The following WDR41 variants were observed in gnomAD, a reference collection of about 807,000 sequenced individuals.
WDR41 encodes the protein WD repeat domain 41.
In WDR41, 63 loss-of-function variants were observed where a neutral mutation model predicts 69.3. That is an observed-to-expected ratio of 0.91 (90% CI 0.74 to 1.12). WDR41 has a LOEUF of 1.12. Ranked by LOEUF, WDR41 falls within the 50% of genes most tolerant of loss-of-function variation. The pLI is 0.00. For missense variants in WDR41, 543 were observed against 534.5 expected, an observed-to-expected ratio of 1.02 and a Z score of -0.16; for synonymous variants, 185 against 192.1, an observed-to-expected ratio of 0.96 and a Z score of 0.31.
At chr5:77,609,120 C>T (rs574042782) in intron 1 of WDR41, among the ~76,000 whole-genome samples, 69 of 152,302 alleles carry the variant, frequency 4.5e-4, no homozygotes, top group African/African-American at 1.4e-3. Flanking sequence ...CCGACATTGC[C>T]CAGGCTTGCT....
chr5:77,491,970 G>C (rs1050472928), intron 1 of WDR41, 200 bp downstream of exon 1: 2 of 606,282 alleles, frequency 3.3e-6, no homozygotes, highest in East Asian at 3.2e-5. Context: ...GGGTGCGCCT[G>C]GGGTCCCGCC....
At chr5:77,560,421 A>G (rs544650256) in intron 1 of WDR41, among the ~76,000 whole-genome samples, 390 of 152,284 alleles carry the variant, frequency 2.6e-3, no homozygotes, top group African/African-American at 9.0e-3. Flanking sequence ...CATATTTACA[A>G]ATGAAAGCTT....
At chr5:77,530,028 A>C (rs1177912643) in intron 1 of WDR41, among the ~76,000 whole-genome samples, 1 of 151,648 alleles carries the variant, frequency 6.6e-6, no homozygotes, top group Non-Finnish European at 1.5e-5. Flanking sequence ...GAAAGGAATA[A>C]AGCAATAAGA....
chr5:77,489,647 G>A, intron 1 of WDR41, 75 bp from the exon 2 acceptor site: 1 of 881,936 alleles, frequency 1.1e-6, no homozygotes. Context: ...AGACCATATT[G>A]GAATATAACT....
At chr5:77,609,121 C>T (rs1478116167) in intron 1 of WDR41, among the ~76,000 whole-genome samples, 2 of 152,222 alleles carry the variant, frequency 1.3e-5, no homozygotes, top group African/African-American at 2.4e-5. Context: ...CGACATTGCC[C>T]AGGCTTGCTT....
chr5:77,508,193 C>T, intron 1 of WDR41, among the ~76,000 whole-genome samples: 1 of 152,182 alleles, frequency 6.6e-6, no homozygotes, highest in East Asian at 1.9e-4. Flanking sequence ...GCAGTCACAG[C>T]TCACTGCAGC....
intron 1 of WDR41, among the ~76,000 whole-genome samples, chr5:77,595,364 C>T (rs916708466): frequency 2.6e-5 from 4 of 151,902 alleles, no homozygotes; most frequent in African/African-American, 9.7e-5. Context: ...TTAAAGCTGC[C>T]CAAGTATAGA....
At chr5:77,442,894 CAAAAA>C (rs60442242) in intron 8 of WDR41, among the ~76,000 whole-genome samples, 5 of 56,262 alleles carry the variant, frequency 8.9e-5, no homozygotes, top group East Asian at 5.5e-4. Context: ...TCTGTCTCCC[CAAAAA>C]AAAAAAAAAA....
rs115085995 is a variant in WDR41 at position 77,550,065 on chromosome 5, G to A, written c.43-60493C>T. The stretch of plus-strand genomic sequence containing the variant: ...AACCAGAAGAAAAAAAAAGGACCTC[G>A]ACATTTCACCATATATAAAAATTAA... On this transcript the variant is annotated intron_variant, in intron 1 of 5. Transcript: ENST00000509971. Among the ~76,000 whole-genome samples the A allele has an allele frequency of 9.0e-3, 1,375 of 152,000 alleles. 29 individuals carry two copies. Among genetic ancestry groups the A allele is most frequent in the African/African-American group, 0.031 (1,292 of 41,502 alleles).
At chr5:77,543,386 A>G (rs770589081) in intron 1 of WDR41, among the ~76,000 whole-genome samples, 7 of 152,196 alleles carry the variant, frequency 4.6e-5, no homozygotes, top group Non-Finnish European at 1.0e-4. Flanking sequence ...GCAAAGCCCA[A>G]TGTAAGGAAA....
intron 1 of WDR41, chr5:77,583,095 C>A: frequency 6.3e-7 from 1 of 1,581,760 alleles, no homozygotes; most frequent in Admixed American, 1.7e-5. Flanking sequence ...AGGACCAGAT[C>A]AACAGGCTTA....
intron 1 of WDR41, among the ~76,000 whole-genome samples, chr5:77,571,269 A>ATT (rs1743728499): frequency 6.6e-6 from 1 of 152,162 alleles, no homozygotes; most frequent in South Asian, 2.1e-4. Context: ...ATATTGGGTC[A>ATT]TTTTTAATAC....
At chr5:77,470,577 G>A (rs1345858315) in intron 2 of WDR41, among the ~76,000 whole-genome samples, 1 of 152,124 alleles carries the variant, frequency 6.6e-6, no homozygotes, top group Non-Finnish European at 1.5e-5. Context: ...TAAAGGGATA[G>A]AGGAAGATCT....
chr5:77,552,508 C>G (rs1353076143), intron 1 of WDR41, among the ~76,000 whole-genome samples: 2 of 152,136 alleles, frequency 1.3e-5, no homozygotes, highest in Non-Finnish European at 2.9e-5. Flanking sequence ...AAAATCCCAG[C>G]AATATTTTTT....
At chr5:77,526,227 CA>C (rs892747053) in intron 1 of WDR41, among the ~76,000 whole-genome samples, 19 of 152,056 alleles carry the variant, frequency 1.2e-4, no homozygotes, top group African/African-American at 4.6e-4. Flanking sequence ...TTTGTTACTG[CA>C]AATATTTTAA....
intron 1 of WDR41, among the ~76,000 whole-genome samples, chr5:77,531,464 C>A (rs1188263576): frequency 6.6e-6 from 1 of 151,772 alleles, no homozygotes; most frequent in Non-Finnish European, 1.5e-5. Context: ...ACTTTGCGCC[C>A]ACTAAGATGG....
At chr5:77,502,802 A>G (rs925816103) in intron 1 of WDR41, among the ~76,000 whole-genome samples, 3 of 152,182 alleles carry the variant, frequency 2.0e-5, no homozygotes, top group Non-Finnish European at 2.9e-5. Context: ...AATCCCTTAC[A>G]GACAGGCAAA....
intron 2 of WDR41, among the ~76,000 whole-genome samples, chr5:77,469,038 A>G (rs985067808): frequency 6.6e-6 from 1 of 152,198 alleles, no homozygotes; most frequent in Admixed American, 6.5e-5. Context: ...TGGCACATAT[A>G]CACCATGGAA....
chr5:77,568,776 G>A (rs1743681859), intron 1 of WDR41, among the ~76,000 whole-genome samples: 1 of 152,174 alleles, frequency 6.6e-6, no homozygotes, highest in South Asian at 2.1e-4. Context: ...TAACACAGGA[G>A]TGAATCAACA....
Sources: allele counts gnomAD v4.1 joint callset (sites outside exome capture counted in the v4.1 genomes callset), GRCh38; gene constraint gnomAD v4.1.1; transcripts MANE v1.5; gene names NCBI Gene and HGNC (gene_info 2026-07-23, HGNC 2026-07-21).